The following ADAMTS15 variants were observed in gnomAD, a reference collection of about 807,000 sequenced individuals.
The protein encoded by ADAMTS15 is ADAM metallopeptidase with thrombospondin type 1 motif 15.
In ADAMTS15, 35 loss-of-function variants were observed where a neutral mutation model predicts 79.1. The observed-to-expected ratio is 0.44, with a 90% confidence interval of 0.34 to 0.59. The LOEUF (loss-of-function observed/expected upper bound fraction) is 0.59. ADAMTS15 is among the 20% of genes least tolerant of loss of function. ADAMTS15 has a pLI of 0.02. For synonymous variants in ADAMTS15, 616 were observed against 567.3 expected (o/e 1.09, Z -1.22); for missense variants, 1,324 against 1,318.7 (o/e 1.00, Z -0.06).
chr11:130,473,940 C>T lies in ADAMTS15; in HGVS notation c.*119C>T, dbSNP rs79754628. 3 of 1,355,084 alleles carry T rather than the reference C, an allele frequency of 2.2e-6. No individual in the cohort carries two copies. The Admixed American group carries it at 7.9e-5, about 36-fold the overall frequency. 83.9% of individuals were successfully genotyped at this position (1,355,084 alleles called of 1,614,324 possible). On this transcript the variant is annotated 3_prime_UTR_variant, in exon 8 of 8. Coordinates refer to ENST00000299164, the MANE Select transcript of ADAMTS15 (RefSeq NM_139055.4). ...GCTCACGCCACGATGTCACCCACAT[C>T]CGGGGACAAGGACCATGGGCTGGGG...
At chr11:130,460,095 G>T (rs949417225) in intron 1 of ADAMTS15, among the ~76,000 whole-genome samples, 25 of 152,280 alleles carry the variant, frequency 1.6e-4, no homozygotes, top group African/African-American at 6.0e-4. Flanking sequence ...TGAACTATAG[G>T]CATGAGCCTA....
In ADAMTS15 at chr11:130,476,184, C is replaced by G. The variant is rs911703215; in HGVS notation, c.*2363C>G. The G allele has an allele frequency of 6.6e-6, 1 of 152,204 alleles. No homozygotes were observed. Among genetic ancestry groups the G allele is most frequent in the African/African-American group, 2.4e-5 (1 of 41,434 alleles). The allele number at this position is 152,204 out of a possible 1,614,324, so 9.4% of individuals were successfully genotyped here. ...GAGACTAGACTCAAGGCACAGGTTT[C>G]TGGTGATGGAGTAAAGTTACAGCGG... On this transcript the variant is annotated 3_prime_UTR_variant, in exon 8 of 8. Coordinates refer to ENST00000299164, the MANE Select transcript of ADAMTS15 (RefSeq NM_139055.4).
Position 130,470,991 on chromosome 11 carries a change from A to G in ADAMTS15, c.1792A>G (p.Thr598Ala). ...CTACAACCACAGCACCAACCGGCTC[A>G]CTCTCGCCGTGGCATGGGTGCCCAA... The part of the protein sequence containing the change: ...NGYNHSTNRL[T>A]LAVAWVPKYS... Residue 598 changes from threonine to alanine, a missense_variant, in exon 6 of 8, where the codon ACT becomes GCT. Coordinates refer to ENST00000299164, the MANE Select transcript of ADAMTS15 (RefSeq NM_139055.4). 2 of 1,613,590 alleles carry G rather than the reference A, an allele frequency of 1.2e-6. No individual in the cohort carries two copies. The highest frequency in any genetic ancestry group is 1.7e-5 in the Admixed American group (1 of 59,998).
At position 130,474,974 on chromosome 11, in the gene ADAMTS15, T is replaced by G. The variant is rs1356275627; in HGVS notation, c.*1153T>G. On this transcript the variant is annotated 3_prime_UTR_variant, in exon 8 of 8. Transcript: ENST00000299164. ...GCTGTCTGCCCTGGGCACGTCACGT[T>G]GCATCCTAGGCCTTAGCTTCTCCAC... 2.0e-5 allele frequency: 3 copies of G among 152,402 alleles called. No homozygotes were observed. The allele number at this position is 152,402 out of a possible 1,614,324, so 9.4% of individuals were successfully genotyped here. A position where few individuals can be genotyped will look rare whatever the true frequency, so the allele number is the denominator to read the frequency against.
chr11:130,470,186 G>GTATGTATATA (rs1938416123), intron 5 of ADAMTS15, among the ~76,000 whole-genome samples: 1 of 67,178 alleles, frequency 1.5e-5, no homozygotes, highest in African/African-American at 9.0e-5. Context: ...ATATATGTGT[G>GTATGTATATA]TATATATATA....
intron 1 of ADAMTS15, among the ~76,000 whole-genome samples, chr11:130,455,207 A>G (rs1465590794): frequency 1.3e-5 from 2 of 152,192 alleles, no homozygotes; most frequent in Non-Finnish European, 2.9e-5. Context: ...ATAGGCCCCC[A>G]GTTATGGTAG....
At chr11:130,461,889 G>C (rs1938206271) in intron 2 of ADAMTS15, among the ~76,000 whole-genome samples, 198 bp from the exon 3 acceptor site, 1 of 152,190 alleles carries the variant, frequency 6.6e-6, no homozygotes, top group Non-Finnish European at 1.5e-5. Context: ...TCTGTTGTCA[G>C]GGAGCCCACA....
intron 4 of ADAMTS15, among the ~76,000 whole-genome samples, chr11:130,467,721 T>C (rs1938330597): frequency 6.7e-6 from 1 of 150,248 alleles, no homozygotes. Context: ...AAGGAAAACA[T>C]CATGGACAAT....
In ADAMTS15 at chr11:130,470,133, C is replaced by CATGTATATATATATATATACGT. The variant is rs1555080995; in HGVS notation, c.1720+696_1720+697insGTATATATATATATATACGTAT. 7.9e-4 allele frequency among the ~76,000 whole-genome samples: 59 copies of CATGTATATATATATATATACGT among 74,790 alleles called. 3 individuals are homozygous for CATGTATATATATATATATACGT. Among genetic ancestry groups the CATGTATATATATATATATACGT allele is most frequent in the Non-Finnish European group, 1.1e-3 (46 of 40,000 alleles). The allele number at this position is 74,790 out of a possible 152,430, so 49.1% of individuals were successfully genotyped here. ...CATTACTGAATCATATATATATATA[C>CATGTATATATATATATATACGT]ATATATATATATATATATGTGTATA... On this transcript the variant is annotated intron_variant, in intron 5 of 7. Transcript: ENST00000299164.
intron 1 of ADAMTS15, 121 bp from the exon 2 acceptor site, chr11:130,461,368 C>G (rs1938194101): frequency 4.3e-6 from 6 of 1,408,746 alleles, no homozygotes; most frequent in Non-Finnish European, 4.9e-6. Context: ...AGGTGCTGGG[C>G]CTGGTGAGGT....
At position 130,470,966 on chromosome 11, in the gene ADAMTS15, C is replaced by T. The variant is rs1481077916; in HGVS notation, c.1767C>T (p.Gly589=). Residue 589 remains glycine, a synonymous_variant, in exon 6 of 8, where the codon GGC becomes GGT. Transcript: ENST00000299164. ...FREEQCEAFN[G]YNHSTNRLTL... is the part of the protein sequence containing the mutation. ...AGGAGCAGTGTGAGGCTTTCAACGGCTACAACCACAGCACCAACCGGCTCA... is the reference window on the plus strand; with the variant it reads ...AGGAGCAGTGTGAGGCTTTCAACGGTTACAACCACAGCACCAACCGGCTCA... 6 of 1,613,804 alleles carry T rather than the reference C, an allele frequency of 3.7e-6. No individual in the cohort carries two copies. The highest frequency in any genetic ancestry group is 1.3e-5 in the African/African-American group (1 of 74,934).
At chr11:130,450,612 G>A (rs1421055798) in intron 1 of ADAMTS15, among the ~76,000 whole-genome samples, 1 of 152,184 alleles carries the variant, frequency 6.6e-6, no homozygotes, top group Non-Finnish European at 1.5e-5. Context: ...CTGAGCAGGC[G>A]GTGTAGTTAG....
In ADAMTS15 at chr11:130,469,361, C is replaced by A; in HGVS notation, c.1642C>A (p.Pro548Thr). Reference protein sequence around the residue: ...LARRQCTNPTPANGGKYCEGV... With the variant: ...LARRQCTNPTTANGGKYCEGV... ...CAGGAGGCAGTGCACCAACCCCACC[C>A]CTGCCAACGGGGGCAAGTACTGCGA... is the stretch of plus-strand genomic sequence containing the variant. The change falls in exon 5 of 8, where the codon CCT becomes ACT. Residue 548 changes from proline to threonine, a missense_variant. Coordinates refer to ENST00000299164, the MANE Select transcript of ADAMTS15 (RefSeq NM_139055.4). 1 of 1,357,944 alleles carries A rather than the reference C, an allele frequency of 7.4e-7. No individual in the cohort carries two copies. Among genetic ancestry groups the A allele is most frequent in the Non-Finnish European group, 9.6e-7 (1 of 1,046,460 alleles). 84.1% of individuals were successfully genotyped at this position (1,357,944 alleles called of 1,614,324 possible).
chr11:130,449,200 C>T lies in ADAMTS15; in HGVS notation c.227C>T (p.Ala76Val). The stretch of plus-strand genomic sequence containing the variant: ...CTGACGCCGGATGCTCAGTTCTTGG[C>T]TCCCGCCTTCTCCACTGAGCATCTG... ...LHLTPDAQFL[A>V]PAFSTEHLGV... is the part of the protein sequence containing the mutation. Residue 76 changes from alanine (A) to valine (V), a missense_variant, in exon 1 of 8, where the codon GCT becomes GTT. Transcript: ENST00000299164. The surrounding 1 kb of genome is among the most constrained non-coding windows in gnomAD (Gnocchi z 7.8). 1.2e-6 allele frequency: 2 copies of T among 1,614,056 alleles called. No individual in the cohort carries two copies. Among genetic ancestry groups the T allele is most frequent in the African/African-American group, 2.7e-5 (2 of 75,066 alleles).
rs118103351 is a variant in ADAMTS15 at position 130,451,914 on chromosome 11, A to G, written c.957+1984A>G. On this transcript the variant is annotated intron_variant, in intron 1 of 7. Coordinates refer to ENST00000299164, the MANE Select transcript of ADAMTS15 (RefSeq NM_139055.4). ...ACAAGATGCATGACCACTGGATCAG[A>G]AGCAGTGATGTGCAAAATGTGACTT... Among the ~76,000 whole-genome samples the G allele has an allele frequency of 2.1e-4, 32 of 152,350 alleles. No homozygotes were observed. In the East Asian group the frequency reaches 5.0e-3, roughly 24 times the overall value.
Position 130,449,787 on chromosome 11 carries a change from C to T in ADAMTS15, c.814C>T (p.Leu272Phe), listed in dbSNP as rs773211269. 3 of 1,612,182 alleles carry T rather than the reference C, an allele frequency of 1.9e-6. No homozygotes were observed. In the Admixed American group the frequency reaches 5.0e-5, roughly 27 times the overall value. The change falls in exon 1 of 8, where the codon CTT (leucine) becomes TTT (phenylalanine). Residue 272 changes from leucine (L) to phenylalanine (F), a missense_variant. Coordinates refer to ENST00000299164, the MANE Select transcript of ADAMTS15 (RefSeq NM_139055.4). This position sits in a 1 kb window ranked among gnomAD's most constrained non-coding sequence, Gnocchi z 7.8. ...INIVVVKVLLLRDRDSGPKVT... is the reference protein window; with the variant it reads ...INIVVVKVLLFRDRDSGPKVT... ...CATCGTTGTGGTCAAGGTGCTGCTT[C>T]TTAGAGATCGTGACTCCGGGCCCAA...
rs534770243 is a variant in ADAMTS15, at chr11:130,466,243, A to G, written c.1543-3019A>G. Among the ~76,000 whole-genome samples the G allele has an allele frequency of 9.2e-5, 14 of 152,050 alleles. No homozygotes were observed. In the South Asian group the frequency reaches 1.0e-3, roughly 11 times the overall value. ...TTTCCCTCTTCACCATCCACACTCA[A>G]TCTCTTCGCTGATTCATCTAGACCA... On this transcript the variant is annotated intron_variant, in intron 4 of 7. Coordinates refer to ENST00000299164, the MANE Select transcript of ADAMTS15 (RefSeq NM_139055.4).
chr11:130,462,435 T>G lies in ADAMTS15; in HGVS notation c.1259-62T>G. ...TTCATTATCCCCTTACCATTCAGAT[T>G]CTGGGCTAGCCAAACCTCATCTTCC... On this transcript the variant is annotated intron_variant, in intron 3 of 7. Coordinates refer to ENST00000299164, the MANE Select transcript of ADAMTS15 (RefSeq NM_139055.4). This position sits in a 1 kb window ranked among gnomAD's most constrained non-coding sequence, Gnocchi z 4.3. The G allele has an allele frequency of 1.3e-6, 2 of 1,537,292 alleles. No homozygotes were observed. The highest frequency in any genetic ancestry group is 1.8e-6 in the Non-Finnish European group (2 of 1,138,720).
chr11:130,473,007 A>T lies in ADAMTS15; in HGVS notation c.2079-40A>T, dbSNP rs368496418. Reference sequence around the variant, plus strand: ...CCTGGAGCATAAGGTCCTCAGGTCCAGGCTTCTATCTGATGCACGGCCCCC... The same window carrying T: ...CCTGGAGCATAAGGTCCTCAGGTCCTGGCTTCTATCTGATGCACGGCCCCC... On this transcript the variant is annotated intron_variant, in intron 7 of 7. Coordinates refer to ENST00000299164, the MANE Select transcript of ADAMTS15 (RefSeq NM_139055.4). 2.5e-6 allele frequency: 4 copies of T among 1,602,672 alleles called. No individual in the cohort carries two copies. In the African/African-American group the frequency reaches 5.4e-5, roughly 21 times the overall value.
Sources: gnomAD v4.1 joint callset for allele counts (sites outside exome capture counted in the v4.1 genomes callset) on GRCh38, gnomAD v4.1.1 for gene constraint, Gnocchi (gnomAD v3.1) non-coding constraint, MANE v1.5 for transcripts, NCBI Gene and HGNC (gene_info 2026-07-23, HGNC 2026-07-21) for gene names.